The following MR1 variants were observed in gnomAD, a reference collection of about 807,000 sequenced individuals.
MR1 encodes major histocompatibility complex class I-related protein 1.
A neutral mutation model predicts 37.8 loss-of-function variants in MR1; 44 were observed. That is an observed-to-expected ratio of 1.16 (90% CI 0.91 to 1.50). The LOEUF (loss-of-function observed/expected upper bound fraction) is 1.50, where lower values mean the gene tolerates loss of function less well. Among genes scored for constraint, MR1 ranks in the 40% most tolerant of loss-of-function variants. MR1 has a pLI of 0.00. For synonymous variants in MR1, 153 were observed against 155.8 expected (o/e 0.98, Z 0.13); for missense variants, 386 against 419.1 (o/e 0.92, Z 0.69).
intron 1 of MR1, among the ~76,000 whole-genome samples, chr1:181,035,286 G>A (rs1039400411): frequency 3.3e-5 from 5 of 151,904 alleles, no homozygotes; most frequent in African/African-American, 1.2e-4. Context: ...GCAGTGAGCC[G>A]AGATCATGCC....
intron 1 of MR1, among the ~76,000 whole-genome samples, chr1:181,037,655 TG>T (rs1330947604): frequency 1.3e-5 from 2 of 152,266 alleles, no homozygotes; most frequent in African/African-American, 2.4e-5. Context: ...TGACAAAGGA[TG>T]TTTTTTCTGA....
rs926692493 is a variant in MR1, at chr1:181,061,100, C to T, written c.*5835C>T. 8 of 152,178 alleles carry T rather than the reference C, an allele frequency of 5.3e-5. No individual in the cohort carries two copies. Among genetic ancestry groups the T allele is most frequent in the Non-Finnish European group, 8.8e-5 (6 of 68,052 alleles). The allele number at this position is 152,178 out of a possible 1,614,324, so 9.4% of individuals were successfully genotyped here. A position where few individuals can be genotyped will look rare whatever the true frequency, so the allele number is the denominator to read the frequency against. On this transcript the variant is annotated 3_prime_UTR_variant, in exon 6 of 6. Transcript: ENST00000367580. ...AGGAAAAAGGACACTGAGCACAGCC[C>T]GTGCATGAGCGGCTTGCCATGCAAC...
chr1:181,041,706 C>G (rs1304055666), intron 1 of MR1, among the ~76,000 whole-genome samples: 1 of 152,236 alleles, frequency 6.6e-6, no homozygotes, highest in African/African-American at 2.4e-5. Flanking sequence ...CTCCCCAACT[C>G]CTTGCAGGCA....
rs565634420 is a variant in MR1 at position 181,041,454 on chromosome 1, G to C, written c.67+7380G>C. ...CAACCCAGCTTAGCTCAGCAACACA[G>C]CATCTTTTTTTCTTCCTTCTTTTTT... On this transcript the variant is annotated intron_variant, in intron 1 of 5. Transcript: ENST00000367580. 3.9e-5 allele frequency among the ~76,000 whole-genome samples: 6 copies of C among 152,316 alleles called. No individual in the cohort carries two copies. In the Middle Eastern group the frequency reaches 0.014, roughly 345 times the overall value.
intron 1 of MR1, among the ~76,000 whole-genome samples, chr1:181,047,220 C>T (rs111415062): frequency 0.01 from 1,566 of 152,068 alleles, 24 homozygotes; most frequent in African/African-American, 0.036. Flanking sequence ...TTATTACAAT[C>T]CTTATAACTA....
At chr1:181,034,972 A>G (rs1466516064) in intron 1 of MR1, among the ~76,000 whole-genome samples, 1 of 152,172 alleles carries the variant, frequency 6.6e-6, no homozygotes. Flanking sequence ...ACAAAATTGC[A>G]TGTGTACATC....
At chr1:181,041,871 G>A (rs1293271718) in intron 1 of MR1, among the ~76,000 whole-genome samples, 3 of 152,016 alleles carry the variant, frequency 2.0e-5, no homozygotes, top group Non-Finnish European at 4.4e-5. Flanking sequence ...CCCTTCCCCC[G>A]ACTAGGGTGT....
chr1:181,059,239 G>A lies in MR1; in HGVS notation c.*3974G>A, dbSNP rs1658789880. 6.6e-6 allele frequency: 1 copy of A among 152,058 alleles called. No homozygotes were observed. The highest frequency in any genetic ancestry group is 2.4e-5 in the African/African-American group (1 of 41,374). The allele number at this position is 152,058 out of a possible 1,614,324, so 9.4% of individuals were successfully genotyped here. ...TTAGAGGTTGATGATTCCACTGCCT[G>A]AGCTGCCTTCACCTCTCTTTCTTTG... On this transcript the variant is annotated 3_prime_UTR_variant, in exon 6 of 6. Transcript: ENST00000367580.
At chr1:181,055,150 T>C (rs1405390697) in intron 5 of MR1, 75 bp from the exon 6 acceptor site, 3 of 1,407,000 alleles carry the variant, frequency 2.1e-6, no homozygotes, top group African/African-American at 1.4e-5. Context: ...CAGATTTTGC[T>C]GAACACTGCA....
intron 4 of MR1, among the ~76,000 whole-genome samples, chr1:181,052,848 C>T (rs1328764073): frequency 2.0e-5 from 3 of 152,152 alleles, no homozygotes. Flanking sequence ...AGGTGGATCA[C>T]TTGAGGTCAG....
At chr1:181,034,840 A>G (rs1452635778) in intron 1 of MR1, among the ~76,000 whole-genome samples, 2 of 152,158 alleles carry the variant, frequency 1.3e-5, no homozygotes, top group Non-Finnish European at 2.9e-5. Context: ...ATGACTGACC[A>G]TGGAGATTTG....
intron 5 of MR1, among the ~76,000 whole-genome samples, chr1:181,054,813 A>T (rs1174810400): frequency 6.6e-6 from 1 of 152,158 alleles, no homozygotes; most frequent in Non-Finnish European, 1.5e-5. Flanking sequence ...GTGAGCAAAG[A>T]TCGCTCCATT....
Position 181,057,542 on chromosome 1 carries a change from C to A in MR1, c.*2277C>A, listed in dbSNP as rs1166112495. 3 of 152,104 alleles carry A rather than the reference C, an allele frequency of 2.0e-5. No homozygotes were observed. Among genetic ancestry groups the A allele is most frequent in the African/African-American group, 7.2e-5 (3 of 41,416 alleles). 9.4% of individuals were successfully genotyped at this position (152,104 alleles called of 1,614,324 possible). ...CTCATCAAAGACACAGATAAAAAGC[C>A]TCTGTGTTTCCAAGGCCTTGCCCTA... On this transcript the variant is annotated 3_prime_UTR_variant, in exon 6 of 6. Transcript: ENST00000367580.
chr1:181,044,021 T>G (rs1657718657), intron 1 of MR1, among the ~76,000 whole-genome samples: 1 of 143,780 alleles, frequency 7.0e-6, no homozygotes, highest in Non-Finnish European at 1.5e-5. Flanking sequence ...TGGAGTGCAG[T>G]GGCGTGATCT....
chr1:181,052,415 C>T lies in MR1; in HGVS notation c.785C>T (p.Ala262Val), dbSNP rs748694184. Residue 262 changes from alanine (A) to valine (V), a missense_variant, in exon 4 of 6, where the codon GCG becomes GTG. Physicochemically the swap from Ala to Val is moderately conservative, Grantham distance 64 (BLOSUM62 0). Coordinates refer to ENST00000367580, the MANE Select transcript of MR1 (RefSeq NM_001385161.1). The part of the protein sequence containing the change: ...ILPSGDGTYQ[A>V]WASIELDPQS... ...CCCAGTGGGGATGGAACCTATCAGG[C>T]GTGGGCATCAATTGAGCTTGATCCT... 86 of 1,614,050 alleles carry T rather than the reference C, an allele frequency of 5.3e-5. No homozygotes were observed. Among genetic ancestry groups the T allele is most frequent in the Non-Finnish European group, 6.4e-5 (75 of 1,180,038 alleles).
chr1:181,049,056 G>T lies in MR1; in HGVS notation c.72G>T (p.Thr24=). 2.5e-6 allele frequency: 4 copies of T among 1,613,440 alleles called. No homozygotes were observed. The highest frequency in any genetic ancestry group is 3.4e-6 in the Non-Finnish European group (4 of 1,179,504). ...CCTTCTTTGCCTCCTTTCCAGGGAC[G>T]CACTCTCTGAGATATTTTCGCCTGG... The part of the protein sequence containing the change: ...VLMVKHSDSR[T]HSLRYFRLGV... The change falls in exon 2 of 6, where the codon ACG becomes ACT. Residue 24 remains threonine, a synonymous_variant. Coordinates refer to ENST00000367580, the MANE Select transcript of MR1 (RefSeq NM_001385161.1).
chr1:181,034,292 C>A (rs1400636876), intron 1 of MR1, among the ~76,000 whole-genome samples: 1 of 152,152 alleles, frequency 6.6e-6, no homozygotes, highest in Non-Finnish European at 1.5e-5. Context: ...GAGGGGGAGC[C>A]GTTCTAGAAA....
At chr1:181,050,614 T>TTTAG in intron 3 of MR1, 1 of 337,192 alleles carries the variant, frequency 3.0e-6, no homozygotes, top group South Asian at 2.8e-5. Context: ...TTACAAACTG[T>TTTAG]TTAGTTAACA....
At chr1:181,047,953 C>T (rs1452405915) in intron 1 of MR1, among the ~76,000 whole-genome samples, 2 of 150,952 alleles carry the variant, frequency 1.3e-5, no homozygotes, top group South Asian at 4.2e-4. Flanking sequence ...CGCGGTGGCT[C>T]ACGCCTGTAA....
Sources: allele counts gnomAD v4.1 joint callset (sites outside exome capture counted in the v4.1 genomes callset), GRCh38; gene constraint gnomAD v4.1.1; transcripts MANE v1.5; gene names NCBI Gene and HGNC (gene_info 2026-07-23, HGNC 2026-07-21).